Variants in APBB1IP observed in about 807,000 individuals in gnomAD.
APBB1IP encodes amyloid beta precursor protein binding family B member 1 interacting protein, also known as amyloid beta A4 precursor protein-binding family B member 1-interacting protein.
In APBB1IP, 27 loss-of-function variants were observed where a neutral mutation model predicts 64.9. The ratio of observed to expected loss-of-function variants is 0.42; its 90% confidence interval spans 0.31 to 0.57. APBB1IP has a LOEUF of 0.57. APBB1IP is among the 20% of genes least tolerant of loss of function. The probability of loss-of-function intolerance (pLI) is 0.20; values close to 1 mark genes in which losing one functional copy is unlikely to be tolerated. For missense variants in APBB1IP, 812 were observed against 845.5 expected (o/e 0.96, Z 0.49); for synonymous variants, 392 against 331.0 (o/e 1.18, Z -2.00).
chr10:26,535,431 CA>C (rs1449664648), intron 9 of APBB1IP, among the ~76,000 whole-genome samples: 4 of 152,112 alleles, frequency 2.6e-5, no homozygotes, highest in Non-Finnish European at 4.4e-5. Flanking sequence ...TCCATCCTCT[CA>C]AGCATTTGTC....
At chr10:26,529,084 C>T (rs1383094480) in intron 8 of APBB1IP, among the ~76,000 whole-genome samples, 1 of 152,202 alleles carries the variant, frequency 6.6e-6, no homozygotes, top group East Asian at 1.9e-4. Context: ...CCAGCTGTCC[C>T]CAAATGTTGC....
chr10:26,495,162 C>T (rs1392569546), intron 3 of APBB1IP, among the ~76,000 whole-genome samples: 1 of 151,634 alleles, frequency 6.6e-6, no homozygotes, highest in East Asian at 2.0e-4. Context: ...TGTGCACCAC[C>T]ACACCCAGCT....
In APBB1IP at chr10:26,503,202, G is replaced by GGAAGAA; in HGVS notation, c.461_466dup (p.Glu154_Glu155dup). The GGAAGAA allele has an allele frequency of 1.9e-6, 3 of 1,614,108 alleles. No homozygotes were observed. Among genetic ancestry groups the GGAAGAA allele is most frequent in the Non-Finnish European group, 2.5e-6 (3 of 1,179,974 alleles). On this transcript the variant is annotated inframe_insertion, in exon 6 of 15. Coordinates refer to ENST00000376236, the MANE Select transcript of APBB1IP (RefSeq NM_019043.4). ...AATATCTTGCCCTTTTCCAGGAAGA[G>GGAAGAA]GAAGAAGCCCAAGCCAAGGCTGATA...
intron 8 of APBB1IP, among the ~76,000 whole-genome samples, chr10:26,528,803 G>A (rs566541584): frequency 2.5e-4 from 38 of 152,252 alleles, no homozygotes; most frequent in African/African-American, 8.4e-4. Context: ...TGACCATGGT[G>A]GCATGTGCCT....
chr10:26,474,277 GC>G (rs1298748205), intron 2 of APBB1IP, among the ~76,000 whole-genome samples: 10 of 152,178 alleles, frequency 6.6e-5, no homozygotes. Context: ...TAGGGCTGAT[GC>G]CCAAACCTCA....
chr10:26,495,324 G>A (rs1836007598), intron 3 of APBB1IP, among the ~76,000 whole-genome samples: 1 of 151,842 alleles, frequency 6.6e-6, no homozygotes, highest in Non-Finnish European at 1.5e-5. Flanking sequence ...GATGAGGACT[G>A]TGTTTTCTCC....
At chr10:26,519,264 C>T (rs1318713241) in intron 8 of APBB1IP, among the ~76,000 whole-genome samples, 1 of 152,072 alleles carries the variant, frequency 6.6e-6, no homozygotes, top group African/African-American at 2.4e-5. Context: ...GCACTCCAGC[C>T]TGGGCAACAA....
intron 10 of APBB1IP, among the ~76,000 whole-genome samples, chr10:26,539,351 T>C (rs1215434966): frequency 1.3e-5 from 2 of 148,450 alleles, no homozygotes; most frequent in East Asian, 4.0e-4. Flanking sequence ...GGTCAAGACT[T>C]CAGTGAGCCA....
chr10:26,555,461 T>G (rs938687008), intron 11 of APBB1IP, among the ~76,000 whole-genome samples: 1 of 152,234 alleles, frequency 6.6e-6, no homozygotes, highest in Non-Finnish European at 1.5e-5. Flanking sequence ...TTTCAAACTT[T>G]TAGTATGGAA....
chr10:26,495,943 TA>T (rs1349930329), intron 3 of APBB1IP, among the ~76,000 whole-genome samples: 1 of 140,942 alleles, frequency 7.1e-6, no homozygotes, highest in Non-Finnish European at 1.5e-5. Flanking sequence ...TTAATATATA[TA>T]AAATATATTT....
In APBB1IP at chr10:26,541,575, C is replaced by T; in HGVS notation, c.1045-7C>T. ...GTTGAAGTTTTATTTTTTTCCCTGTCTTTCAGACATCTCGAGATCTGGCGT... is the reference window on the plus strand; with the variant it reads ...GTTGAAGTTTTATTTTTTTCCCTGTTTTTCAGACATCTCGAGATCTGGCGT... On this transcript the variant is annotated splice_region_variant and splice_polypyrimidine_tract_variant and intron_variant, in intron 10 of 14. Coordinates refer to ENST00000376236, the MANE Select transcript of APBB1IP (RefSeq NM_019043.4). 1 of 1,596,472 alleles carries T rather than the reference C, an allele frequency of 6.3e-7. No homozygotes were observed. The highest frequency in any genetic ancestry group is 8.6e-7 in the Non-Finnish European group (1 of 1,167,210).
intron 8 of APBB1IP, among the ~76,000 whole-genome samples, chr10:26,521,316 G>T (rs181444174): frequency 6.6e-6 from 1 of 152,092 alleles, no homozygotes; most frequent in South Asian, 2.1e-4. Context: ...GTGATCCTTG[G>T]GTATAAGAAC....
intron 5 of APBB1IP, chr10:26,501,906 T>C (rs1182790144): frequency 6.6e-6 from 1 of 152,224 alleles, no homozygotes; most frequent in Admixed American, 6.5e-5. Flanking sequence ...AAATATTGAA[T>C]ATAAATCAAA....
intron 8 of APBB1IP, among the ~76,000 whole-genome samples, chr10:26,518,440 G>C (rs935425341): frequency 6.6e-6 from 1 of 152,060 alleles, no homozygotes; most frequent in Non-Finnish European, 1.5e-5. Context: ...TAGAGACGGG[G>C]TTTCACCATG....
chr10:26,505,598 G>A (rs902376246), intron 6 of APBB1IP, among the ~76,000 whole-genome samples: 1 of 151,784 alleles, frequency 6.6e-6, no homozygotes, highest in Non-Finnish European at 1.5e-5. Context: ...TCCCACCTGG[G>A]CCTCCCAAAG....
At chr10:26,566,571 G>T (rs1022347011) in intron 14 of APBB1IP, among the ~76,000 whole-genome samples, 1 of 152,074 alleles carries the variant, frequency 6.6e-6, no homozygotes, top group South Asian at 2.1e-4. Flanking sequence ...TAAAAAATTA[G>T]AAAAATGATT....
In APBB1IP at chr10:26,566,990, C is replaced by T. The variant is rs755585339; in HGVS notation, c.1503C>T (p.His501=). 1.9e-6 allele frequency: 3 copies of T among 1,581,284 alleles called. No homozygotes were observed. Among genetic ancestry groups the T allele is most frequent in the Middle Eastern group, 2.1e-4 (1 of 4,798 alleles). ...KDKKPALGNH[H]DPAVPRAPHA... ...AGAAGCCAGCCCTCGGGAACCACCA[C>T]GACCCGGCAGTGCCCCGGGCCCCGC... The change falls in exon 15 of 15, where the codon CAC becomes CAT. Residue 501 remains histidine, a synonymous_variant. Coordinates refer to ENST00000376236, the MANE Select transcript of APBB1IP (RefSeq NM_019043.4).
At chr10:26,440,143 T>G (rs528699893) in intron 2 of APBB1IP, among the ~76,000 whole-genome samples, 1 of 152,182 alleles carries the variant, frequency 6.6e-6, no homozygotes, top group Non-Finnish European at 1.5e-5. Context: ...AATATTTGGG[T>G]TTTTTCTCAG....
intron 2 of APBB1IP, among the ~76,000 whole-genome samples, chr10:26,462,353 G>A (rs905693491): frequency 6.6e-6 from 1 of 152,160 alleles, no homozygotes; most frequent in Admixed American, 6.6e-5. Flanking sequence ...GTGTTTTACA[G>A]TTAGAATGAT....
Sources: allele counts gnomAD v4.1 joint callset (sites outside exome capture counted in the v4.1 genomes callset), GRCh38; gene constraint gnomAD v4.1.1; transcripts MANE v1.5; gene names NCBI Gene and HGNC (gene_info 2026-07-23, HGNC 2026-07-21).